Variants in PCDHGA3 observed in about 807,000 individuals in gnomAD.
PCDHGA3 encodes protocadherin gamma subfamily A, 3.
PCDHGA3 carries 40 observed loss-of-function variants against 58.5 expected under a neutral mutation model. The observed-to-expected ratio is 0.68, with a 90% CI of 0.53 to 0.89. PCDHGA3 has a LOEUF of 0.89. Ranked by LOEUF, PCDHGA3 falls within the 40% of genes least tolerant of loss-of-function variation. PCDHGA3 has a pLI of 0.00. For missense variants in PCDHGA3, 1,223 were observed against 1,195.9 expected (o/e 1.02, Z -0.33); for synonymous variants, 530 against 525.7 (o/e 1.01, Z -0.11).
Position 141,350,591 on chromosome 5 carries a change from A to G in PCDHGA3, c.2424+4134A>G, listed in dbSNP as rs202231783. 199 of 1,614,038 alleles carry G rather than the reference A, an allele frequency of 1.2e-4. No individual in the cohort carries two copies. In the East Asian group the frequency reaches 4.1e-3, roughly 33 times the overall value. The stretch of plus-strand genomic sequence containing the variant: ...ATTCGAAACGGTCGCTGAAAACCCA[A>G]TGAATGTTTTCCACGTGGTTGTTGT... On this transcript the variant is annotated intron_variant, in intron 1 of 3. Transcript: ENST00000253812.
intron 1 of PCDHGA3, among the ~76,000 whole-genome samples, chr5:141,347,644 G>A (rs140352212): frequency 2.3e-3 from 346 of 152,142 alleles, no homozygotes; most frequent in African/African-American, 8.1e-3. Context: ...AAAATTAGCT[G>A]GGCATGGTGG....
intron 1 of PCDHGA3, chr5:141,404,476 C>T (rs1453332441): frequency 6.2e-7 from 1 of 1,613,362 alleles, no homozygotes; most frequent in South Asian, 1.1e-5. Context: ...TCTCTATTAA[C>T]TCAGACACTG....
chr5:141,473,048 A>T (rs1295750830), intron 1 of PCDHGA3, among the ~76,000 whole-genome samples: 4 of 151,992 alleles, frequency 2.6e-5, no homozygotes, highest in Non-Finnish European at 5.9e-5. Flanking sequence ...GAAAGAAAGA[A>T]GTGATACAAC....
rs781265250 is a variant in PCDHGA3 at position 141,345,898 on chromosome 5, A to C, written c.1865A>C (p.His622Pro). 5.0e-6 allele frequency: 8 copies of C among 1,612,394 alleles called. No homozygotes were observed. The highest frequency in any genetic ancestry group is 1.3e-5 in the African/African-American group (1 of 74,638). ...SEPGLFSVGLHTGEVRTARAL... is the reference protein window; with the variant it reads ...SEPGLFSVGLPTGEVRTARAL... ...CCGGGACTCTTCTCGGTGGGTCTGCACACGGGCGAGGTGCGCACGGCGCGA... is the reference window on the plus strand; with the variant it reads ...CCGGGACTCTTCTCGGTGGGTCTGCCCACGGGCGAGGTGCGCACGGCGCGA... The change falls in exon 1 of 4, where the codon CAC (histidine) becomes CCC (proline). Residue 622 changes from histidine (H) to proline (P), a missense_variant. This residue lies in a region of PCDHGA3 where 107 missense variants were observed against 159.8 expected (regional missense o/e 0.67). Transcript: ENST00000253812.
At chr5:141,357,884 C>A (rs545523934) in intron 1 of PCDHGA3, among the ~76,000 whole-genome samples, 2 of 152,194 alleles carry the variant, frequency 1.3e-5, no homozygotes, top group Non-Finnish European at 2.9e-5. Context: ...TGAGCCACCT[C>A]ATTTCCTTAA....
intron 1 of PCDHGA3, chr5:141,408,368 C>T: frequency 3.1e-6 from 5 of 1,613,992 alleles, no homozygotes; most frequent in Non-Finnish European, 4.2e-6. Context: ...GGATCTAGGG[C>T]TCAGTGTCCT....
At chr5:141,384,070 C>A (rs762136393) in intron 1 of PCDHGA3, 2 of 1,603,864 alleles carry the variant, frequency 1.2e-6, no homozygotes, top group Admixed American at 3.4e-5. Context: ...AGAAAACCTA[C>A]CTTTTAAATT....
At chr5:141,497,503 C>CTGCTTCCT (rs1042765123) in intron 2 of PCDHGA3, among the ~76,000 whole-genome samples, 57 of 151,054 alleles carry the variant, frequency 3.8e-4, no homozygotes, top group African/African-American at 1.4e-3. Flanking sequence ...TCTCCTCTCT[C>CTGCTTCCT]TGCTTCCTTA....
intron 1 of PCDHGA3, chr5:141,441,872 G>T: frequency 2.9e-6 from 1 of 341,646 alleles, no homozygotes. Flanking sequence ...GCGGAGCCTG[G>T]CTACCTGGTC....
Position 141,394,457 on chromosome 5 carries a change from G to A in PCDHGA3, c.2424+48000G>A, listed in dbSNP as rs375756271. 4 of 1,614,096 alleles carry A rather than the reference G, an allele frequency of 2.5e-6. No homozygotes were observed. The African/African-American group carries it at 4.0e-5, about 16-fold the overall frequency. On this transcript the variant is annotated intron_variant, in intron 1 of 3. Transcript: ENST00000253812. Reference sequence around the variant, plus strand: ...CGCCCCTCAGCAGCAACATGTCACTGAGCCTGTTCGTGCTGGACCAGAATG... The same window carrying A: ...CGCCCCTCAGCAGCAACATGTCACTAAGCCTGTTCGTGCTGGACCAGAATG...
At chr5:141,425,695 T>G (rs1329762653) in intron 1 of PCDHGA3, among the ~76,000 whole-genome samples, 1 of 152,232 alleles carries the variant, frequency 6.6e-6, no homozygotes, top group African/African-American at 2.4e-5. Context: ...TATCATTTCA[T>G]AGTGGTCAAA....
intron 2 of PCDHGA3, among the ~76,000 whole-genome samples, chr5:141,502,537 G>A (rs900570745): frequency 2.0e-5 from 3 of 152,042 alleles, no homozygotes; most frequent in Admixed American, 6.6e-5. Context: ...GTTTGTTCGT[G>A]TGGTAAAAAC....
intron 1 of PCDHGA3, chr5:141,405,271 C>T: frequency 3.1e-6 from 5 of 1,614,094 alleles, no homozygotes; most frequent in Non-Finnish European, 4.2e-6. Flanking sequence ...TCCCCCAGCC[C>T]AACTATGCAG....
chr5:141,419,845 G>A, intron 1 of PCDHGA3: 3 of 1,614,064 alleles, frequency 1.9e-6, no homozygotes, highest in Non-Finnish European at 2.5e-6. Context: ...CGCTGCACCT[G>A]GTGTTCGCAG....
intron 1 of PCDHGA3, among the ~76,000 whole-genome samples, chr5:141,380,866 A>G (rs945856253): frequency 3.3e-5 from 5 of 152,264 alleles, no homozygotes; most frequent in Admixed American, 3.3e-4. Context: ...GAGAGCTATA[A>G]CCTCCAAACA....
chr5:141,437,617 C>G (rs570138576), intron 1 of PCDHGA3, among the ~76,000 whole-genome samples: 1 of 152,220 alleles, frequency 6.6e-6, no homozygotes, highest in South Asian at 2.1e-4. Context: ...CTGCTTTATC[C>G]CCATATAAGA....
intron 1 of PCDHGA3, among the ~76,000 whole-genome samples, chr5:141,447,234 G>T (rs534523483): frequency 9.9e-4 from 150 of 152,170 alleles, no homozygotes; most frequent in Non-Finnish European, 1.8e-3. Flanking sequence ...CCGCCTCCCG[G>T]GTTCAAGTGA....
chr5:141,422,077 A>C (rs2096622436), intron 1 of PCDHGA3: 1 of 1,612,340 alleles, frequency 6.2e-7, no homozygotes, highest in Admixed American at 1.7e-5. Flanking sequence ...TTCATTTCGG[A>C]ACATGGAAAG....
At chr5:141,403,125 A>G (rs755647554) in intron 1 of PCDHGA3, 2 of 1,614,028 alleles carry the variant, frequency 1.2e-6, no homozygotes. Context: ...GAGCCCCGGG[A>G]GCTGGCGGAG....
Sources: allele counts gnomAD v4.1 joint callset (sites outside exome capture counted in the v4.1 genomes callset), GRCh38; gene constraint gnomAD v4.1.1; regional missense constraint gnomAD v4.1.1; transcripts MANE v1.5; gene names NCBI Gene and HGNC (gene_info 2026-07-23, HGNC 2026-07-21).